ORC1: variants seen among roughly 807,000 people sequenced by gnomAD.
ORC1 encodes the protein origin recognition complex subunit 1, also known as origin recognition complex, subunit 1 homolog.
In ORC1, 61 loss-of-function variants were observed where a neutral mutation model predicts 98.9. The observed-to-expected ratio is 0.62, with a 90% CI of 0.50 to 0.76. The LOEUF (loss-of-function observed/expected upper bound fraction) is 0.76, where lower values mean the gene tolerates loss of function less well. Ranked by LOEUF, ORC1 falls within the 30% of genes least tolerant of loss-of-function variation. ORC1 has a pLI of 0.00. For synonymous variants in ORC1, 385 were observed against 406.9 expected, an observed-to-expected ratio of 0.95 and a Z score of 0.65; for missense variants, 979 against 1,072.2, an observed-to-expected ratio of 0.91 and a Z score of 1.21.
upstream of ORC1, among the ~76,000 whole-genome samples, chr1:52,407,105 C>A (rs1648018519): frequency 6.6e-6 from 1 of 152,192 alleles, no homozygotes; most frequent in Admixed American, 6.5e-5. Flanking sequence ...GCAAGCTCGG[C>A]CTCCTGGGTT....
intron 5 of ORC1, 126 bp downstream of exon 5, chr1:52,395,920 G>A: frequency 1.3e-6 from 2 of 1,491,068 alleles, no homozygotes; most frequent in Non-Finnish European, 9.1e-7. Context: ...GCTTGAGCAT[G>A]ATCACTTGAG....
Position 52,388,594 on chromosome 1 carries a change from G to C in ORC1, c.1231C>G (p.Leu411Val), listed in dbSNP as rs777716760. ...SKSDQEEKEI[L>V]PAAEISDSSS... is the part of the protein sequence containing the mutation. Reference sequence around the variant, plus strand: ...GAGTCTGAAATCTCTGCTGCTGGCAGAATCTCTTTCTCTTCTTGGTCACTT... The same window carrying C: ...GAGTCTGAAATCTCTGCTGCTGGCACAATCTCTTTCTCTTCTTGGTCACTT... The change falls in exon 8 of 17, where the codon CTG (leucine) becomes GTG (valine). Residue 411 changes from leucine to valine, a missense_variant. By Grantham distance (32) the Leu-to-Val change is conservative (BLOSUM62 1). Coordinates refer to ENST00000371568, the MANE Select transcript of ORC1 (RefSeq NM_004153.4). 28 of 1,614,082 alleles carry C rather than the reference G, an allele frequency of 1.7e-5. No homozygotes were observed. Among genetic ancestry groups the C allele is most frequent in the Non-Finnish European group, 2.4e-5 (28 of 1,180,032 alleles).
At chr1:52,380,931 T>G (rs968345963) in intron 14 of ORC1, among the ~76,000 whole-genome samples, 1 of 152,156 alleles carries the variant, frequency 6.6e-6, no homozygotes, top group Non-Finnish European at 1.5e-5. Context: ...GGAGTCACAG[T>G]CATGTGCTGC....
Position 52,383,479 on chromosome 1 carries a change from T to C in ORC1, c.1954A>G (p.Ile652Val), listed in dbSNP as rs150460375. 43 of 1,613,450 alleles carry C rather than the reference T, an allele frequency of 2.7e-5. No homozygotes were observed. The highest frequency in any genetic ancestry group is 8.0e-5 in the African/African-American group (6 of 74,916). The change falls in exon 13 of 17, where the codon ATT (isoleucine) becomes GTT (valine). Residue 652 changes from isoleucine to valine, a missense_variant. By Grantham distance (29) the Ile-to-Val change is conservative. Transcript: ENST00000371568. ...HKEARLVVLAIANTMDLPERI... is the reference protein window; with the variant it reads ...HKEARLVVLAVANTMDLPERI... Reference sequence around the variant, plus strand: ...TCTGGCAGGTCCATTGTGTTGGCAATTGCCAGGACCACAAGCCGGGCCTCC... The same window carrying C: ...TCTGGCAGGTCCATTGTGTTGGCAACTGCCAGGACCACAAGCCGGGCCTCC...
chr1:52,373,481 T>A, intron 16 of ORC1, 106 bp from the exon 17 acceptor site: 2 of 928,176 alleles, frequency 2.2e-6, no homozygotes, highest in Non-Finnish European at 3.4e-6. Flanking sequence ...GCCCCCAGGA[T>A]ATCAAACACT....
rs542051866 is a variant in ORC1 at position 52,384,729 on chromosome 1, A to G, written c.1584-8T>C. The stretch of plus-strand genomic sequence containing the variant: ...CCGGAGATGTACATGCACCTAGAGC[A>G]AGAGAGGAAAACCCGTGGGGTAGGT... On this transcript the variant is annotated splice_polypyrimidine_tract_variant and splice_region_variant and intron_variant, in intron 10 of 16. Transcript: ENST00000371568. 2 of 1,612,178 alleles carry G rather than the reference A, an allele frequency of 1.2e-6. No individual in the cohort carries two copies. The highest frequency in any genetic ancestry group is 1.3e-5 in the African/African-American group (1 of 74,980).
At chr1:52,382,906 A>C (rs1250810864) in intron 13 of ORC1, among the ~76,000 whole-genome samples, 1 of 151,878 alleles carries the variant, frequency 6.6e-6, no homozygotes, top group African/African-American at 2.4e-5. Flanking sequence ...TAAATAATTA[A>C]ACCTCCATGG....
intron 3 of ORC1, among the ~76,000 whole-genome samples, chr1:52,398,455 G>T (rs1647531531): frequency 6.6e-6 from 1 of 151,156 alleles, no homozygotes; most frequent in Non-Finnish European, 1.5e-5. Flanking sequence ...GTAGAGATAG[G>T]GTTTCACCAT....
intron 8 of ORC1, among the ~76,000 whole-genome samples, chr1:52,386,872 G>A (rs1647149604): frequency 6.6e-6 from 1 of 152,022 alleles, no homozygotes; most frequent in African/African-American, 2.4e-5. Flanking sequence ...GATCGCTTGA[G>A]CCCAGGAGGT....
At chr1:52,374,684 G>A (rs1300543139) in intron 16 of ORC1, 126 bp downstream of exon 16, 17 of 721,148 alleles carry the variant, frequency 2.4e-5, no homozygotes, top group East Asian at 8.1e-5. Flanking sequence ...AATAGGTGCC[G>A]GTCTGGTATT....
At chr1:52,407,843 G>T (rs140908352), upstream of ORC1, among the ~76,000 whole-genome samples, 21 of 152,352 alleles carry the variant, frequency 1.4e-4, no homozygotes, top group African/African-American at 2.9e-4. Flanking sequence ...ATCACCTGAG[G>T]TCAGGAGTTT....
chr1:52,406,869 CAGCT>C (rs1293906841), upstream of ORC1, among the ~76,000 whole-genome samples: 3 of 152,350 alleles, frequency 2.0e-5, no homozygotes, highest in African/African-American at 4.8e-5. Flanking sequence ...CAAGTTCAAA[CAGCT>C]AGTAAGTGGC....
intron 4 of ORC1, among the ~76,000 whole-genome samples, chr1:52,397,229 C>T (rs1300873421): frequency 1.3e-5 from 2 of 152,174 alleles, no homozygotes; most frequent in Non-Finnish European, 2.9e-5. Context: ...AAACTCATAA[C>T]CAGTGACTTA....
chr1:52,407,758 T>C (rs1648038974), upstream of ORC1, among the ~76,000 whole-genome samples: 1 of 152,068 alleles, frequency 6.6e-6, no homozygotes. Flanking sequence ...CCGTCTCTAC[T>C]AAAAATACAA....
intron 14 of ORC1, among the ~76,000 whole-genome samples, chr1:52,379,241 A>ATTTTTTTT (rs1202537038): frequency 5.2e-4 from 65 of 125,610 alleles, no homozygotes; most frequent in African/African-American, 1.8e-3. Context: ...AAAGTAGGGT[A>ATTTTTTTT]TTTTTTTTTT....
In ORC1 at chr1:52,397,857, T is replaced by C; in HGVS notation, c.230A>G (p.Asp77Gly). The C allele has an allele frequency of 1.2e-6, 2 of 1,614,134 alleles. No homozygotes were observed. Among genetic ancestry groups the C allele is most frequent in the Non-Finnish European group, 8.5e-7 (1 of 1,179,984 alleles). The part of the protein sequence containing the change: ...KLLELFEDDS[D>G]PPPKKRARVQ... ...TCGAGCACGTTTCTTAGGAGGAGGA[T>C]CAGAGTCTAGAAAGAATTTGGTGGA... The change falls in exon 4 of 17, where the codon GAT becomes GGT. Residue 77 changes from aspartate to glycine, a missense_variant. Physicochemically the swap from Asp to Gly is moderately conservative, Grantham distance 94. Transcript: ENST00000371568.
rs1434771694 is a variant in ORC1 at position 52,378,049 on chromosome 1, A to T, written c.2134-2450T>A. Among the ~76,000 whole-genome samples the T allele has an allele frequency of 4.0e-5, 6 of 151,864 alleles. No individual in the cohort carries two copies. The East Asian group carries it at 9.7e-4, about 24-fold the overall frequency. On this transcript the variant is annotated intron_variant, in intron 14 of 16. Transcript: ENST00000371568. ...ATTGGATGTCTTCTGAATCTTTGTT[A>T]AAAAAACCGGGCTGGGGCGGGGCGC...
chr1:52,384,746 GGGGTA>G, intron 10 of ORC1, 25 bp from the exon 11 acceptor site: 1 of 1,604,456 alleles, frequency 6.2e-7, no homozygotes, highest in Non-Finnish European at 8.5e-7. Context: ...GAAAACCCGT[GGGGTA>G]GGTCTCAGCC....
At chr1:52,396,767 T>C in intron 4 of ORC1, among the ~76,000 whole-genome samples, 1 of 152,202 alleles carries the variant, frequency 6.6e-6, no homozygotes, top group East Asian at 1.9e-4. Context: ...TCCAGTCCAT[T>C]CTGTTCGCCT....
Sources: allele counts gnomAD v4.1 joint callset (sites outside exome capture counted in the v4.1 genomes callset), GRCh38; gene constraint gnomAD v4.1.1; transcripts MANE v1.5; gene names NCBI Gene and HGNC (gene_info 2026-07-23, HGNC 2026-07-21).